The following PARM1 variants were observed in gnomAD, a reference collection of about 807,000 sequenced individuals.
PARM1 encodes WSC4, cell wall integrity and stress response component 4 homolog.
In PARM1, 14 loss-of-function variants were observed where a neutral mutation model predicts 24.6. That is an observed-to-expected ratio of 0.57 (90% CI 0.38 to 0.89). The LOEUF is 0.89. Among genes scored for constraint, PARM1 ranks in the 40% least tolerant of loss-of-function variants. The pLI, the probability that PARM1 is intolerant of heterozygous loss-of-function variation, is 0.00. For missense variants in PARM1, 362 were observed against 380.4 expected, an observed-to-expected ratio of 0.95 and a Z score of 0.40; for synonymous variants, 179 against 156.6, an observed-to-expected ratio of 1.14 and a Z score of -1.07.
intron 2 of PARM1, among the ~76,000 whole-genome samples, chr4:75,014,719 A>G (rs1722947768): frequency 6.6e-6 from 1 of 152,198 alleles, no homozygotes; most frequent in African/African-American, 2.4e-5. Flanking sequence ...AACCACACAG[A>G]GAAGGGTGGA....
chr4:74,946,384 A>C (rs1721414159), intron 1 of PARM1, among the ~76,000 whole-genome samples: 1 of 152,138 alleles, frequency 6.6e-6, no homozygotes. Context: ...ATCATCTCTT[A>C]TCAGTAACTC....
At chr4:75,035,604 C>T (rs762449709) in intron 3 of PARM1, among the ~76,000 whole-genome samples, 3 of 152,188 alleles carry the variant, frequency 2.0e-5, no homozygotes, top group Non-Finnish European at 4.4e-5. Flanking sequence ...GCCACCCAGC[C>T]CCACCCAGTG....
intron 1 of PARM1, chr4:74,994,129 T>C (rs1471287724): frequency 1.3e-5 from 2 of 152,134 alleles, no homozygotes; most frequent in Non-Finnish European, 2.9e-5. Context: ...TCGTGTGATG[T>C]GTAGAAGGAA....
chr4:74,991,617 A>G (rs1722473134), intron 1 of PARM1, among the ~76,000 whole-genome samples: 2 of 152,200 alleles, frequency 1.3e-5, no homozygotes, highest in Admixed American at 1.3e-4. Flanking sequence ...GAAAGAAATT[A>G]ACAGAACAAT....
At chr4:75,030,112 C>A (rs927930620) in intron 2 of PARM1, among the ~76,000 whole-genome samples, 1 of 152,026 alleles carries the variant, frequency 6.6e-6, no homozygotes, top group Non-Finnish European at 1.5e-5. Flanking sequence ...GAACACAGAG[C>A]AACACTGTAA....
intron 2 of PARM1, among the ~76,000 whole-genome samples, chr4:75,023,936 T>G (rs909883823): frequency 6.6e-6 from 1 of 152,198 alleles, no homozygotes; most frequent in Non-Finnish European, 1.5e-5. Context: ...TTTGAATTCC[T>G]GAGTCTGGGG....
intron 1 of PARM1, among the ~76,000 whole-genome samples, chr4:74,965,834 A>G (rs1721890497): frequency 6.6e-6 from 1 of 152,218 alleles, no homozygotes; most frequent in Non-Finnish European, 1.5e-5. Flanking sequence ...AGGCTAAGAC[A>G]TCATTATATA....
chr4:74,994,802 A>AAAT (rs1722545479), intron 1 of PARM1, among the ~76,000 whole-genome samples: 1 of 96,116 alleles, frequency 1.0e-5, no homozygotes, highest in Non-Finnish European at 2.0e-5. Context: ...CAAAAAATAT[A>AAAT]AATAAATAAA....
chr4:74,942,622 C>T (rs2109981183), intron 1 of PARM1, among the ~76,000 whole-genome samples: 1 of 152,330 alleles, frequency 6.6e-6, no homozygotes, highest in Non-Finnish European at 1.5e-5. Flanking sequence ...TCATCCCAAC[C>T]TTCAAGAAAG....
intron 1 of PARM1, among the ~76,000 whole-genome samples, chr4:74,947,586 T>C (rs1276657991): frequency 6.6e-6 from 1 of 152,318 alleles, no homozygotes; most frequent in South Asian, 2.1e-4. Flanking sequence ...TTCAATATGA[T>C]AATAATATAA....
intron 1 of PARM1, among the ~76,000 whole-genome samples, chr4:74,959,225 G>C (rs537022977): frequency 6.6e-6 from 1 of 152,172 alleles, no homozygotes; most frequent in Non-Finnish European, 1.5e-5. Context: ...ATCTGTGAAA[G>C]ATGTTAGAAA....
At chr4:74,938,760 T>C (rs1421410063) in intron 1 of PARM1, among the ~76,000 whole-genome samples, 1 of 152,214 alleles carries the variant, frequency 6.6e-6, no homozygotes, top group East Asian at 1.9e-4. Context: ...CATAATCCTT[T>C]ACACCAGCAT....
At chr4:75,005,972 A>T (rs1722761304) in intron 1 of PARM1, among the ~76,000 whole-genome samples, 1 of 152,132 alleles carries the variant, frequency 6.6e-6, no homozygotes, top group Non-Finnish European at 1.5e-5. Flanking sequence ...AGGACACACC[A>T]TCTCTGGCAA....
rs1282416919 is a variant in PARM1 at position 75,023,293 on chromosome 4, G to A, written c.769+10143G>A. Reference sequence around the variant, plus strand: ...GAATTGAGCAAGTTTATTTATCACAGGTGTTCCATTTTCCTCATCTATATG... The same window carrying A: ...GAATTGAGCAAGTTTATTTATCACAAGTGTTCCATTTTCCTCATCTATATG... On this transcript the variant is annotated intron_variant, in intron 2 of 3. Coordinates refer to ENST00000307428, the MANE Select transcript of PARM1 (RefSeq NM_015393.4). Among the ~76,000 whole-genome samples the A allele has an allele frequency of 7.2e-5, 11 of 152,254 alleles. No individual in the cohort carries two copies. In the East Asian group the frequency reaches 2.1e-3, roughly 29 times the overall value.
At chr4:74,980,685 A>T (rs1722233359) in intron 1 of PARM1, among the ~76,000 whole-genome samples, 1 of 152,242 alleles carries the variant, frequency 6.6e-6, no homozygotes, top group African/African-American at 2.4e-5. Context: ...ACAAAGCTGG[A>T]GGTATCACAC....
intron 1 of PARM1, among the ~76,000 whole-genome samples, chr4:75,004,340 CTA>C (rs1365197356): frequency 6.6e-6 from 1 of 152,202 alleles, no homozygotes; most frequent in African/African-American, 2.4e-5. Flanking sequence ...TGGAGAAAGA[CTA>C]TGGCTCAACA....
chr4:75,013,118 T>A lies in PARM1; in HGVS notation c.737T>A (p.Ile246Asn), dbSNP rs1464645751. The change falls in exon 2 of 4, where the codon ATC becomes AAC. Residue 246 changes from isoleucine to asparagine, a missense_variant. Transcript: ENST00000307428. ...ACCACCACCACCTTTCCCAGGGTGATCATGCAGGAAGTAGAACATGCATTA... is the reference window on the plus strand; with the variant it reads ...ACCACCACCACCTTTCCCAGGGTGAACATGCAGGAAGTAGAACATGCATTA... Reference protein sequence around the residue: ...METTTTFPRVIMQEVEHALSS... With the variant: ...METTTTFPRVNMQEVEHALSS... 12 of 1,613,778 alleles carry A rather than the reference T, an allele frequency of 7.4e-6. No homozygotes were observed. Among genetic ancestry groups the A allele is most frequent in the Non-Finnish European group, 1.0e-5 (12 of 1,179,800 alleles).
chr4:74,952,432 C>A (rs889928132), intron 1 of PARM1, among the ~76,000 whole-genome samples: 1 of 152,168 alleles, frequency 6.6e-6, no homozygotes, highest in Non-Finnish European at 1.5e-5. Context: ...TGCAGAAGCT[C>A]TTTAGTTTAT....
chr4:74,980,506 A>G (rs886352312), intron 1 of PARM1, among the ~76,000 whole-genome samples: 1 of 152,238 alleles, frequency 6.6e-6, no homozygotes, highest in Non-Finnish European at 1.5e-5. Flanking sequence ...CTGGATAGGA[A>G]GAATCAGTGT....
Sources: gnomAD v4.1 joint callset for allele counts (sites outside exome capture counted in the v4.1 genomes callset) on GRCh38, gnomAD v4.1.1 for gene constraint, MANE v1.5 for transcripts, NCBI Gene and HGNC (gene_info 2026-07-23, HGNC 2026-07-21) for gene names.